VPS13B: variants seen among roughly 807,000 people sequenced by gnomAD.
The protein encoded by VPS13B is vacuolar protein sorting 13 homolog B.
In VPS13B, 285 loss-of-function variants were observed where a neutral mutation model predicts 426.4. That is an observed-to-expected ratio of 0.67 (90% confidence interval 0.61 to 0.74). The LOEUF is 0.74. Among genes scored for constraint, VPS13B ranks in the 30% least tolerant of loss-of-function variants. The pLI is 0.00. For missense variants in VPS13B, 4,537 were observed against 4,782.6 expected, an observed-to-expected ratio of 0.95 and a Z score of 1.51; for synonymous variants, 1,676 against 1,676.4, an observed-to-expected ratio of 1.00 and a Z score of 0.01.
intron 17 of VPS13B, chr8:99,233,113 A>C: frequency 1.5e-6 from 2 of 1,364,704 alleles, no homozygotes; most frequent in Non-Finnish European, 2.1e-6. Context: ...CACCTCTTGT[A>C]CAGTTTCCCT....
intron 17 of VPS13B, among the ~76,000 whole-genome samples, chr8:99,230,416 G>A (rs1816259479): frequency 6.6e-6 from 1 of 152,168 alleles, no homozygotes; most frequent in African/African-American, 2.4e-5. Flanking sequence ...CTTGAGGTCA[G>A]AAGTCCTCCT....
At chr8:99,703,383 C>T (rs1011052146) in intron 36 of VPS13B, among the ~76,000 whole-genome samples, 7 of 151,982 alleles carry the variant, frequency 4.6e-5, no homozygotes, top group African/African-American at 1.7e-4. Context: ...ACTCCCATTT[C>T]TGTTAGAATA....
Position 99,871,687 on chromosome 8 carries a change from G to C in VPS13B, c.11735G>C (p.Cys3912Ser), listed in dbSNP as rs1428722453. 1 of 1,613,758 alleles carries C rather than the reference G, an allele frequency of 6.2e-7. No individual in the cohort carries two copies. Among genetic ancestry groups the C allele is most frequent in the East Asian group, 2.2e-5 (1 of 44,868 alleles). Residue 3912 changes from cysteine to serine, a missense_variant, in exon 61 of 62, where the codon TGT (cysteine) becomes TCT (serine). Coordinates refer to ENST00000357162, the MANE Select transcript of VPS13B (RefSeq NM_152564.5). ...TVQLKQPRVACDVEVDGVRER... is the reference protein window; with the variant it reads ...TVQLKQPRVASDVEVDGVRER... ...CAGCTCAAGCAGCCAAGAGTGGCCTGTGATGTGGAGGTACGTTTCAGAAAA... is the reference window on the plus strand; with the variant it reads ...CAGCTCAAGCAGCCAAGAGTGGCCTCTGATGTGGAGGTACGTTTCAGAAAA...
chr8:99,395,976 T>G (rs902003782), intron 21 of VPS13B, among the ~76,000 whole-genome samples: 2 of 152,068 alleles, frequency 1.3e-5, no homozygotes, highest in East Asian at 3.9e-4. Context: ...GAATTAGATG[T>G]TGAGTAGTAG....
At chr8:99,389,703 G>A (rs535047794) in intron 20 of VPS13B, 79 of 152,290 alleles carry the variant, frequency 5.2e-4, no homozygotes, top group African/African-American at 1.7e-3. Context: ...AGTGGCAGAG[G>A]TGGAAGAAAA....
At chr8:99,045,629 T>C (rs1843201176) in intron 3 of VPS13B, among the ~76,000 whole-genome samples, 1 of 152,234 alleles carries the variant, frequency 6.6e-6, no homozygotes, top group Admixed American at 6.5e-5. Context: ...CCTAAGCCAA[T>C]GTCTAGAGGG....
chr8:99,747,297 A>G (rs1810139318), intron 39 of VPS13B, among the ~76,000 whole-genome samples: 1 of 152,078 alleles, frequency 6.6e-6, no homozygotes, highest in Non-Finnish European at 1.5e-5. Flanking sequence ...AAAAAAAAAA[A>G]AAGTTTTAAT....
At chr8:99,275,413 TG>T (rs1350139499) in intron 19 of VPS13B, among the ~76,000 whole-genome samples, 159 bp downstream of exon 19, 1 of 152,000 alleles carries the variant, frequency 6.6e-6, no homozygotes, top group Non-Finnish European at 1.5e-5. Flanking sequence ...GAAGAATTTT[TG>T]TATCACTTTT....
intron 17 of VPS13B, among the ~76,000 whole-genome samples, chr8:99,219,669 C>A (rs1015601065): frequency 6.6e-6 from 1 of 152,186 alleles, no homozygotes. Flanking sequence ...GGGGGCTAGT[C>A]CGCTTCTGTG....
At chr8:99,420,003 A>G (rs966544452) in intron 21 of VPS13B, among the ~76,000 whole-genome samples, 1 of 152,198 alleles carries the variant, frequency 6.6e-6, no homozygotes, top group African/African-American at 2.4e-5. Context: ...GTTTAAAGGG[A>G]AAATTTTAAA....
intron 43 of VPS13B, among the ~76,000 whole-genome samples, chr8:99,796,282 A>G (rs61266867): frequency 6.6e-6 from 1 of 152,320 alleles, no homozygotes; most frequent in East Asian, 1.9e-4. Context: ...AGAGAGGGAT[A>G]AAAGCCAGAT....
At chr8:99,098,539 G>A (rs1846550572) in intron 4 of VPS13B, among the ~76,000 whole-genome samples, 1 of 151,920 alleles carries the variant, frequency 6.6e-6, no homozygotes, top group Non-Finnish European at 1.5e-5. Flanking sequence ...TGATATTTAG[G>A]TTATTTGTTA....
chr8:99,273,159 GTTT>G (rs757322206), intron 17 of VPS13B, among the ~76,000 whole-genome samples: 4 of 129,456 alleles, frequency 3.1e-5, no homozygotes, highest in Admixed American at 7.8e-5. Context: ...TACTCAGGTA[GTTT>G]TTTTTTTTTT....
chr8:99,047,859 T>C (rs1165705356), intron 3 of VPS13B, among the ~76,000 whole-genome samples: 7 of 152,104 alleles, frequency 4.6e-5, no homozygotes. Flanking sequence ...GACTAATTTT[T>C]GTATTTTTAG....
intron 39 of VPS13B, among the ~76,000 whole-genome samples, chr8:99,727,904 G>A (rs1212245381): frequency 6.6e-6 from 1 of 152,202 alleles, no homozygotes; most frequent in African/African-American, 2.4e-5. Context: ...TCACCTGGTA[G>A]CTAAATCCCC....
intron 43 of VPS13B, among the ~76,000 whole-genome samples, chr8:99,788,110 A>G (rs1812356449): frequency 6.6e-6 from 1 of 152,002 alleles, no homozygotes; most frequent in Admixed American, 6.6e-5. Context: ...AAATCCTAAC[A>G]CTTTGGGAGG....
chr8:99,473,297 T>C (rs939701181), intron 24 of VPS13B, among the ~76,000 whole-genome samples: 1 of 152,048 alleles, frequency 6.6e-6, no homozygotes, highest in African/African-American at 2.4e-5. Flanking sequence ...CTAAAAGGCA[T>C]AATATATATA....
intron 40 of VPS13B, among the ~76,000 whole-genome samples, chr8:99,770,279 CTTTGAAAGCCTTCCCCTTCTATT>C (rs1296536611): frequency 6.6e-6 from 1 of 152,078 alleles, no homozygotes; most frequent in Non-Finnish European, 1.5e-5. Flanking sequence ...TAGTACTGAC[CTTTGAAAGCCTTCCCCTTCTATT>C]TGCTGTGCAC....
intron 4 of VPS13B, among the ~76,000 whole-genome samples, chr8:99,100,685 C>T (rs977845617): frequency 6.6e-6 from 1 of 152,088 alleles, no homozygotes. Flanking sequence ...CATTATACTT[C>T]TATGCTATTT....
Sources: allele counts gnomAD v4.1 joint callset (sites outside exome capture counted in the v4.1 genomes callset), GRCh38; gene constraint gnomAD v4.1.1; transcripts MANE v1.5; gene names NCBI Gene and HGNC (gene_info 2026-07-23, HGNC 2026-07-21).